The following TMTC2 variants were observed in gnomAD, a reference collection of about 807,000 sequenced individuals.
TMTC2 encodes protein O-mannosyl-transferase TMTC2.
Under a neutral mutation model 82.4 loss-of-function variants are expected in TMTC2, and 43 were observed. The observed-to-expected ratio is 0.52, with a 90% CI of 0.41 to 0.67. The LOEUF (loss-of-function observed/expected upper bound fraction) is 0.67. Among genes scored for constraint, TMTC2 ranks in the 30% least tolerant of loss-of-function variants. TMTC2 has a pLI of 0.00. For missense variants in TMTC2, 919 were observed against 1,012.4 expected, an observed-to-expected ratio of 0.91 and a Z score of 1.25; for synonymous variants, 408 against 381.9, an observed-to-expected ratio of 1.07 and a Z score of -0.80.
Position 82,978,041 on chromosome 12 carries a change from A to G in TMTC2, c.1949-7884A>G, listed in dbSNP as rs1419313549. On this transcript the variant is annotated intron_variant, in intron 7 of 11. Transcript: ENST00000321196. ...AAAACATAAAAATTTGCCAGTGGCT[A>G]TCTATGGGTGATATAATTCTTTCAG... Among the ~76,000 whole-genome samples the G allele has an allele frequency of 3.3e-5, 5 of 151,822 alleles. No homozygotes were observed. In the South Asian group the frequency reaches 6.2e-4, roughly 19 times the overall value.
rs1011425930 is a variant in TMTC2, at chr12:82,690,465, C to T, written c.83+2796C>T. ...TATCATTTCTTTTAAATATAGTGAT[C>T]GTTTACTTTATAAACTATATATAAT... On this transcript the variant is annotated intron_variant, in intron 1 of 11. Coordinates refer to ENST00000321196, the MANE Select transcript of TMTC2 (RefSeq NM_152588.3). The T allele has an allele frequency of 1.2e-5, 11 of 909,284 alleles. No individual in the cohort carries two copies. In the South Asian group the frequency reaches 1.5e-4, roughly 13 times the overall value. 56.3% of individuals were successfully genotyped at this position (909,284 alleles called of 1,614,324 possible). A position where few individuals can be genotyped will look rare whatever the true frequency, so the allele number is the denominator to read the frequency against.
At chr12:82,743,446 C>CAA (rs370208896) in intron 1 of TMTC2, among the ~76,000 whole-genome samples, 14 of 83,792 alleles carry the variant, frequency 1.7e-4, no homozygotes, top group East Asian at 3.5e-4. Context: ...GACTCCGTCT[C>CAA]AAAAAAAAAA....
intron 1 of TMTC2, among the ~76,000 whole-genome samples, chr12:82,829,109 C>G (rs995030391): frequency 1.3e-5 from 2 of 152,102 alleles, no homozygotes; most frequent in Non-Finnish European, 2.9e-5. Context: ...TCTTAAAACA[C>G]TTTTAATTTC....
chr12:82,870,519 G>T (rs1359916401), intron 2 of TMTC2, among the ~76,000 whole-genome samples: 2 of 152,094 alleles, frequency 1.3e-5, no homozygotes, highest in Non-Finnish European at 2.9e-5. Flanking sequence ...TTAAAAGTAG[G>T]GCAGCTCAAT....
intron 1 of TMTC2, among the ~76,000 whole-genome samples, chr12:82,834,889 T>G: frequency 6.6e-6 from 1 of 152,138 alleles, no homozygotes; most frequent in East Asian, 1.9e-4. Flanking sequence ...TTATTATTTT[T>G]TTTTTTGAGA....
At chr12:83,113,993 G>C (rs1592501592) in intron 11 of TMTC2, among the ~76,000 whole-genome samples, 1 of 152,168 alleles carries the variant, frequency 6.6e-6, no homozygotes, top group Middle Eastern at 3.4e-3. Flanking sequence ...GCTTTGTACT[G>C]TCATGGTGAA....
At chr12:82,818,133 C>T (rs892625593) in intron 1 of TMTC2, among the ~76,000 whole-genome samples, 2 of 152,076 alleles carry the variant, frequency 1.3e-5, no homozygotes, top group Non-Finnish European at 2.9e-5. Flanking sequence ...GACATGGAGC[C>T]ATACCATTTG....
At chr12:83,122,545 C>T (rs1190082320) in intron 11 of TMTC2, among the ~76,000 whole-genome samples, 1 of 152,148 alleles carries the variant, frequency 6.6e-6, no homozygotes, top group Non-Finnish European at 1.5e-5. Context: ...TAAATTGACT[C>T]AGCTCCAGGC....
intron 7 of TMTC2, among the ~76,000 whole-genome samples, chr12:82,974,592 A>T (rs1184213552): frequency 6.6e-6 from 1 of 152,190 alleles, no homozygotes; most frequent in Admixed American, 6.5e-5. Context: ...ACCTATCCTC[A>T]GTCATCATAA....
intron 1 of TMTC2, among the ~76,000 whole-genome samples, chr12:82,706,001 A>G (rs1288678386): frequency 1.3e-5 from 2 of 152,148 alleles, no homozygotes; most frequent in African/African-American, 4.8e-5. Flanking sequence ...ACAAATAAGA[A>G]TTAGATTAAT....
At chr12:83,029,678 A>G in intron 8 of TMTC2, among the ~76,000 whole-genome samples, 1 of 152,136 alleles carries the variant, frequency 6.6e-6, no homozygotes, top group East Asian at 1.9e-4. Flanking sequence ...CAGCCATGCC[A>G]AACAAGATAG....
At chr12:83,003,285 T>C (rs188393293) in intron 8 of TMTC2, among the ~76,000 whole-genome samples, 1 of 152,264 alleles carries the variant, frequency 6.6e-6, no homozygotes, top group Admixed American at 6.5e-5. Flanking sequence ...TCTTTCTTGA[T>C]CCCTTTACTT....
At chr12:82,737,399 T>G (rs960720058) in intron 1 of TMTC2, among the ~76,000 whole-genome samples, 1 of 152,174 alleles carries the variant, frequency 6.6e-6, no homozygotes, top group Non-Finnish European at 1.5e-5. Flanking sequence ...CAGCACTGTT[T>G]AGAAATGAAT....
chr12:83,059,264 G>A (rs530267405), intron 10 of TMTC2, among the ~76,000 whole-genome samples: 38 of 151,854 alleles, frequency 2.5e-4, no homozygotes, highest in South Asian at 8.3e-4. Context: ...CTACAGTTAA[G>A]ATTTATTAAG....
rs557276963 is a variant in TMTC2, at chr12:83,122,286, G to A, written c.2332-9924G>A. Among the ~76,000 whole-genome samples the A allele has an allele frequency of 8.5e-4, 128 of 151,082 alleles. 1 individual carries two copies. Among genetic ancestry groups the A allele is most frequent in the African/African-American group, 2.9e-3 (118 of 41,104 alleles). ...CAAGTGTCGCTTTCCTTCTTCCCCC[G>A]CCTGTGGAGTCTGCACACTAGATTC... On this transcript the variant is annotated intron_variant, in intron 11 of 11. Coordinates refer to ENST00000321196, the MANE Select transcript of TMTC2 (RefSeq NM_152588.3).
intron 8 of TMTC2, among the ~76,000 whole-genome samples, chr12:83,018,381 A>G (rs1880771429): frequency 6.6e-6 from 1 of 152,212 alleles, no homozygotes; most frequent in African/African-American, 2.4e-5. Context: ...CAAACAGCAT[A>G]GCACTTCTCA....
chr12:82,964,267 G>A (rs1477448792), intron 4 of TMTC2, among the ~76,000 whole-genome samples: 1 of 151,960 alleles, frequency 6.6e-6, no homozygotes, highest in African/African-American at 2.4e-5. Flanking sequence ...TCATAGACAT[G>A]CCTGTAATTG....
At chr12:83,001,664 A>AAAGAAT in intron 8 of TMTC2, among the ~76,000 whole-genome samples, 1 of 141,382 alleles carries the variant, frequency 7.1e-6, no homozygotes, top group South Asian at 2.2e-4. Flanking sequence ...AGAAAAAGAA[A>AAAGAAT]AAGTAATGTC....
intron 11 of TMTC2, among the ~76,000 whole-genome samples, chr12:83,073,050 T>G (rs1465318342): frequency 3.1e-5 from 2 of 65,208 alleles, no homozygotes; most frequent in African/African-American, 4.1e-5. Context: ...TGTACTTTGG[T>G]TTTTTTTTTA....
Sources: gnomAD v4.1 joint callset for allele counts (sites outside exome capture counted in the v4.1 genomes callset) on GRCh38, gnomAD v4.1.1 for gene constraint, MANE v1.5 for transcripts, NCBI Gene and HGNC (gene_info 2026-07-23, HGNC 2026-07-21) for gene names.